The following CDKL4 variants were observed in gnomAD, a reference collection of about 807,000 sequenced individuals.
CDKL4 encodes cyclin-dependent kinase-like 4.
Under a neutral mutation model 42.0 loss-of-function variants are expected in CDKL4, and 44 were observed. The observed-to-expected ratio is 1.05, with a 90% CI of 0.82 to 1.35. The LOEUF (loss-of-function observed/expected upper bound fraction) is 1.35, where lower values mean the gene tolerates loss of function less well. CDKL4 is among the 40% of genes most tolerant of loss of function. CDKL4 has a pLI of 0.00. For synonymous variants in CDKL4, 120 were observed against 121.6 expected, an observed-to-expected ratio of 0.99 and a Z score of 0.09; for missense variants, 393 against 369.9, an observed-to-expected ratio of 1.06 and a Z score of -0.51.
At chr2:39,197,657 A>G (rs1676599647) in intron 5 of CDKL4, among the ~76,000 whole-genome samples, 1 of 152,236 alleles carries the variant, frequency 6.6e-6, no homozygotes, top group African/African-American at 2.4e-5. Context: ...AAACCCTACA[A>G]GCTAGAGGGG....
chr2:39,208,031 G>C (rs1677314205), intron 4 of CDKL4, among the ~76,000 whole-genome samples: 1 of 152,158 alleles, frequency 6.6e-6, no homozygotes, highest in African/African-American at 2.4e-5. Flanking sequence ...GAACCTGGGA[G>C]GCAGAGGTTG....
chr2:39,204,641 T>G (rs780800524), intron 4 of CDKL4, 24 bp from the exon 5 acceptor site: 1 of 1,256,074 alleles, frequency 8.0e-7, no homozygotes, highest in Non-Finnish European at 1.2e-6. Flanking sequence ...ATTTGATTAT[T>G]TTTCTGAACC....
intron 3 of CDKL4, among the ~76,000 whole-genome samples, chr2:39,219,097 C>A (rs1246530072): frequency 6.6e-6 from 1 of 152,116 alleles, no homozygotes; most frequent in Non-Finnish European, 1.5e-5. Flanking sequence ...TTATTATAGC[C>A]CCAGCACCTA....
intron 3 of CDKL4, among the ~76,000 whole-genome samples, chr2:39,221,006 TTTTTTTG>T (rs1678315291): frequency 5.6e-5 from 3 of 53,802 alleles, no homozygotes; most frequent in Non-Finnish European, 9.5e-5. Flanking sequence ...TTTTTGTTTT[TTTTTTTG>T]TTTTGTTTTT....
Position 39,179,327 on chromosome 2 carries a change from G to C in CDKL4, c.793-6C>G. The stretch of plus-strand genomic sequence containing the variant: ...GGATTCATCTTCAGACACCCCTTTG[G>C]AGGAAGAGAATAGCAAAGAAGATGT... On this transcript the variant is annotated splice_region_variant and splice_polypyrimidine_tract_variant and intron_variant, in intron 8 of 9. Transcript: ENST00000451199. 1 of 1,585,640 alleles carries C rather than the reference G, an allele frequency of 6.3e-7. No individual in the cohort carries two copies. The highest frequency in any genetic ancestry group is 8.5e-7 in the Non-Finnish European group (1 of 1,171,466).
chr2:39,241,882 T>C (rs959680678), intron 1 of CDKL4, among the ~76,000 whole-genome samples: 2 of 152,214 alleles, frequency 1.3e-5, no homozygotes, highest in Non-Finnish European at 2.9e-5. Flanking sequence ...TTTCTAACCT[T>C]TCTATTAAAT....
chr2:39,245,351 A>T (rs187132422), upstream of CDKL4, among the ~76,000 whole-genome samples: 17 of 152,262 alleles, frequency 1.1e-4, no homozygotes, highest in Non-Finnish European at 4.4e-5. Context: ...TTCACTCCTG[A>T]GCCAGCGAGA....
intron 5 of CDKL4, among the ~76,000 whole-genome samples, chr2:39,203,856 G>C (rs1248892944): frequency 6.6e-6 from 1 of 152,150 alleles, no homozygotes; most frequent in Non-Finnish European, 1.5e-5. Flanking sequence ...AGCCTTGATC[G>C]GGTTTTGTTT....
Position 39,204,622 on chromosome 2 carries a change from A to G in CDKL4, c.364-5T>C. ...TTTTATATCTCTGTGAATACACTGTAAGATCATTATTTGATTATTTTTCTG... is the reference window on the plus strand; with the variant it reads ...TTTTATATCTCTGTGAATACACTGTGAGATCATTATTTGATTATTTTTCTG... On this transcript the variant is annotated splice_region_variant and splice_polypyrimidine_tract_variant and intron_variant, in intron 4 of 9. Transcript: ENST00000451199. The G allele has an allele frequency of 7.3e-7, 1 of 1,376,384 alleles. No homozygotes were observed. The highest frequency in any genetic ancestry group is 1.0e-6 in the Non-Finnish European group (1 of 970,646). The allele number at this position is 1,376,384 out of a possible 1,614,324, so 85.3% of individuals were successfully genotyped here.
intron 9 of CDKL4, chr2:39,178,444 TTAA>T: frequency 1.2e-6 from 1 of 865,770 alleles, no homozygotes. Flanking sequence ...CTTATTTATT[TTAA>T]TAATATTAGG....
chr2:39,209,452 A>G (rs983612326), intron 4 of CDKL4, among the ~76,000 whole-genome samples: 3 of 152,186 alleles, frequency 2.0e-5, no homozygotes, highest in African/African-American at 7.2e-5. Flanking sequence ...CTCTAGTGAT[A>G]TTATAGGGTA....
chr2:39,213,610 A>T, intron 3 of CDKL4, 138 bp from the exon 4 acceptor site: 1 of 459,740 alleles, frequency 2.2e-6, no homozygotes, highest in Non-Finnish European at 4.0e-6. Flanking sequence ...AATATATTTT[A>T]GTGAAAATTG....
chr2:39,229,610 C>A, intron 1 of CDKL4, 22 bp from the exon 2 acceptor site: 1 of 1,178,650 alleles, frequency 8.5e-7, no homozygotes, highest in Admixed American at 2.4e-5. Flanking sequence ...GGTAGACTTG[C>A]CTTAATCAAG....
chr2:39,210,532 A>G (rs1446354634), intron 4 of CDKL4, among the ~76,000 whole-genome samples: 3 of 152,200 alleles, frequency 2.0e-5, no homozygotes, highest in African/African-American at 7.2e-5. Context: ...ATAAATATTT[A>G]TTGATCACCC....
At chr2:39,241,652 T>C (rs1433633096) in intron 1 of CDKL4, among the ~76,000 whole-genome samples, 2 of 152,220 alleles carry the variant, frequency 1.3e-5, no homozygotes, top group East Asian at 3.8e-4. Flanking sequence ...TACCCCTGCC[T>C]GGAATGTCTG....
intron 4 of CDKL4, among the ~76,000 whole-genome samples, chr2:39,212,593 TAAG>T (rs1358601762): frequency 6.6e-6 from 1 of 151,870 alleles, no homozygotes; most frequent in Admixed American, 6.6e-5. Context: ...GTAAAGGACT[TAAG>T]AGACTTAAAA....
At chr2:39,224,203 T>C (rs1301626453) in intron 3 of CDKL4, among the ~76,000 whole-genome samples, 1 of 152,188 alleles carries the variant, frequency 6.6e-6, no homozygotes, top group Non-Finnish European at 1.5e-5. Context: ...TCTCTTAAAC[T>C]ACTGTGATTT....
At position 39,204,439 on chromosome 2, in the gene CDKL4, C is replaced by T. The variant is rs896489624; in HGVS notation, c.454+88G>A. 10 of 785,378 alleles carry T rather than the reference C, an allele frequency of 1.3e-5. No homozygotes were observed. The African/African-American group carries it at 1.7e-4, about 14-fold the overall frequency. 48.7% of individuals were successfully genotyped at this position (785,378 alleles called of 1,614,324 possible). On this transcript the variant is annotated intron_variant, in intron 5 of 9. Transcript: ENST00000451199. ...TGAATAACAACAATACAATATTTGG[C>T]ATATGTCCAATATCCAATGTAAGAA... is the stretch of plus-strand genomic sequence containing the variant.
chr2:39,191,986 C>A (rs1676212881), intron 5 of CDKL4, among the ~76,000 whole-genome samples: 1 of 152,182 alleles, frequency 6.6e-6, no homozygotes, highest in Non-Finnish European at 1.5e-5. Context: ...GCGGCTACAG[C>A]TCTGGTCAGA....
Sources: allele counts gnomAD v4.1 joint callset (sites outside exome capture counted in the v4.1 genomes callset), GRCh38; gene constraint gnomAD v4.1.1; transcripts MANE v1.5; gene names NCBI Gene and HGNC (gene_info 2026-07-23, HGNC 2026-07-21).